Variants in SHC3 observed in about 807,000 individuals in gnomAD.
SHC3 encodes SHC-transforming protein 3.
SHC3 carries 15 observed loss-of-function variants against 60.4 expected under a neutral mutation model. The observed-to-expected ratio is 0.25, with a 90% CI of 0.17 to 0.38. SHC3 has a LOEUF of 0.38. Ranked by LOEUF, SHC3 falls within the 10% of genes least tolerant of loss-of-function variation. The probability of loss-of-function intolerance (pLI) is 1.00; values close to 1 mark genes in which losing one functional copy is unlikely to be tolerated. For synonymous variants in SHC3, 294 were observed against 325.9 expected, an observed-to-expected ratio of 0.90 and a Z score of 1.05; for missense variants, 677 against 786.1, an observed-to-expected ratio of 0.86 and a Z score of 1.66.
chr9:89,058,882 ATG>A (rs1825006303), intron 6 of SHC3, among the ~76,000 whole-genome samples: 1 of 122,138 alleles, frequency 8.2e-6, no homozygotes, highest in Non-Finnish European at 1.7e-5. Flanking sequence ...GGTGGAAGAC[ATG>A]GTGGAGGACA....
At chr9:89,065,718 C>G in intron 5 of SHC3, 138 bp from the exon 6 acceptor site, 1 of 832,524 alleles carries the variant, frequency 1.2e-6, no homozygotes. Flanking sequence ...GCCTAAGAAA[C>G]AGCCCCCAGA....
At chr9:89,033,843 G>A (rs537516467) in intron 11 of SHC3, among the ~76,000 whole-genome samples, 2 of 152,290 alleles carry the variant, frequency 1.3e-5, no homozygotes, top group South Asian at 2.1e-4. Flanking sequence ...GATTAGGGAA[G>A]GCTTCTCTGA....
At chr9:89,177,788 A>G (rs932956917) in intron 1 of SHC3, among the ~76,000 whole-genome samples, 199 bp downstream of exon 1, 6 of 152,236 alleles carry the variant, frequency 3.9e-5, no homozygotes, top group African/African-American at 9.6e-5. Flanking sequence ...CCTTTTCCCA[A>G]TGGATGCGGG....
At chr9:89,065,446 TGAGATAAC>T in intron 6 of SHC3, 75 bp downstream of exon 6, 5 of 1,396,378 alleles carry the variant, frequency 3.6e-6, no homozygotes, top group South Asian at 2.4e-5. Flanking sequence ...GGGAGGGGGC[TGAGATAAC>T]GAGGACCAGC....
chr9:89,113,641 C>A (rs534463335), intron 1 of SHC3, among the ~76,000 whole-genome samples: 5 of 152,284 alleles, frequency 3.3e-5, no homozygotes, highest in Admixed American at 1.3e-4. Context: ...GCACCACCAC[C>A]AATATCACTA....
At chr9:89,105,976 G>A (rs1212904477) in intron 2 of SHC3, among the ~76,000 whole-genome samples, 1 of 152,180 alleles carries the variant, frequency 6.6e-6, no homozygotes, top group African/African-American at 2.4e-5. Context: ...GGATATTCAT[G>A]GTAATAACCC....
At chr9:89,059,182 A>T (rs1371615263) in intron 6 of SHC3, among the ~76,000 whole-genome samples, 1 of 104,344 alleles carries the variant, frequency 9.6e-6, no homozygotes, top group Non-Finnish European at 2.0e-5. Flanking sequence ...GGTGTAGGAC[A>T]TGGTGGAGGA....
intron 1 of SHC3, among the ~76,000 whole-genome samples, chr9:89,125,952 T>G (rs933084242): frequency 3.9e-5 from 6 of 152,184 alleles, no homozygotes; most frequent in African/African-American, 1.4e-4. Flanking sequence ...TTCCTTTACT[T>G]TCTTAATAAA....
intron 2 of SHC3, chr9:89,088,997 C>T (rs1356413429): frequency 6.6e-6 from 1 of 152,286 alleles, no homozygotes; most frequent in East Asian, 1.9e-4. Flanking sequence ...TGTTCCTCAT[C>T]TGCAAAGCTT....
chr9:89,137,762 T>G lies in SHC3; in HGVS notation c.475-25136A>C, dbSNP rs575861269. ...AATTCAAAGAAATAATGAGAGTGTG[T>G]AGGCAAGAAATCAGAGTCATCAGAA... On this transcript the variant is annotated intron_variant, in intron 1 of 11. Transcript: ENST00000375835. 3.3e-5 allele frequency among the ~76,000 whole-genome samples: 5 copies of G among 152,148 alleles called. No individual in the cohort carries two copies. The East Asian group carries it at 9.7e-4, about 29-fold the overall frequency.
At chr9:89,045,907 A>G (rs1824764752) in intron 8 of SHC3, 74 bp from the exon 9 acceptor site, 1 of 1,468,972 alleles carries the variant, frequency 6.8e-7, no homozygotes, top group East Asian at 2.3e-5. Flanking sequence ...AAGCCACAAG[A>G]CAGTCGGCGA....
intron 1 of SHC3, among the ~76,000 whole-genome samples, chr9:89,171,885 A>C (rs553896304): frequency 1.2e-3 from 177 of 152,338 alleles, no homozygotes; most frequent in African/African-American, 4.2e-3. Context: ...GGTGCAGAGC[A>C]AGGCATGTCT....
At chr9:89,169,858 A>T (rs1462494457) in intron 1 of SHC3, among the ~76,000 whole-genome samples, 1 of 152,132 alleles carries the variant, frequency 6.6e-6, no homozygotes, top group African/African-American at 2.4e-5. Flanking sequence ...AAATGTTTAA[A>T]TTTCATAAAA....
chr9:89,020,796 T>A (rs1420103659), intron 11 of SHC3, among the ~76,000 whole-genome samples: 1 of 152,114 alleles, frequency 6.6e-6, no homozygotes, highest in African/African-American at 2.4e-5. Context: ...GTCTCCTCCA[T>A]CAGCAGTGAC....
At chr9:89,091,754 A>C (rs777976208) in intron 2 of SHC3, among the ~76,000 whole-genome samples, 1 of 152,176 alleles carries the variant, frequency 6.6e-6, no homozygotes, top group Non-Finnish European at 1.5e-5. Flanking sequence ...TAATAATTCC[A>C]CATAACTCCC....
rs937400203 is a variant in SHC3, at chr9:89,156,078, C to T, written c.474+21909G>A. On this transcript the variant is annotated intron_variant, in intron 1 of 11. Coordinates refer to ENST00000375835, the MANE Select transcript of SHC3 (RefSeq NM_016848.6). ...ATTGAATGGGGCTGACCCATGTGACCAATAAAATACTGTGAAGGTGACAGT... is the reference window on the plus strand; with the variant it reads ...ATTGAATGGGGCTGACCCATGTGACTAATAAAATACTGTGAAGGTGACAGT... Among the ~76,000 whole-genome samples the T allele has an allele frequency of 1.2e-4, 18 of 152,120 alleles. 1 individual carries two copies. The highest frequency in any genetic ancestry group is 4.4e-5 in the Non-Finnish European group (3 of 68,032).
At chr9:89,046,818 T>C (rs1824782064) in intron 8 of SHC3, 26 bp downstream of exon 8, 4 of 1,489,306 alleles carry the variant, frequency 2.7e-6, no homozygotes, top group Non-Finnish European at 3.6e-6. Flanking sequence ...CCATTCCTTA[T>C]ATAAGAAAAA....
At chr9:89,079,044 C>G (rs1462522163) in intron 2 of SHC3, among the ~76,000 whole-genome samples, 2 of 152,186 alleles carry the variant, frequency 1.3e-5, no homozygotes, top group African/African-American at 4.8e-5. Context: ...TCCCATTTGC[C>G]ACTCAATTTA....
Position 89,070,671 on chromosome 9 carries a change from C to T in SHC3, c.783+528G>A, listed in dbSNP as rs373903204. ...AAATAGAACATTCTCATTCTGTTCT[C>T]GAGTCTTCTTCTTACTCTCTCTCTC... On this transcript the variant is annotated intron_variant, in intron 5 of 11. Coordinates refer to ENST00000375835, the MANE Select transcript of SHC3 (RefSeq NM_016848.6). Among the ~76,000 whole-genome samples, 9 of 152,212 alleles carry T rather than the reference C, an allele frequency of 5.9e-5. No homozygotes were observed. The South Asian group carries it at 8.3e-4, about 14-fold the overall frequency.
Sources: gnomAD v4.1 joint callset for allele counts (sites outside exome capture counted in the v4.1 genomes callset) on GRCh38, gnomAD v4.1.1 for gene constraint, MANE v1.5 for transcripts, NCBI Gene and HGNC (gene_info 2026-07-23, HGNC 2026-07-21) for gene names.